Variants in PALM2AKAP2 observed in about 807,000 individuals in gnomAD.
The protein encoded by PALM2AKAP2 is PALM2 and AKAP2 fusion.
A neutral mutation model predicts 71.5 loss-of-function variants in PALM2AKAP2; 37 were observed. That is an observed-to-expected ratio of 0.52 (90% CI 0.40 to 0.68). The LOEUF (loss-of-function observed/expected upper bound fraction) is 0.68, where lower values mean the gene tolerates loss of function less well. Among genes scored for constraint, PALM2AKAP2 ranks in the 30% least tolerant of loss-of-function variants. The pLI is 0.00. For missense variants in PALM2AKAP2, 1,224 were observed against 1,191.8 expected, an observed-to-expected ratio of 1.03 and a Z score of -0.40; for synonymous variants, 468 against 478.8, an observed-to-expected ratio of 0.98 and a Z score of 0.29.
At chr9:109,641,362 A>T (rs376254770) in intron 1 of PALM2AKAP2, among the ~76,000 whole-genome samples, 2 of 152,256 alleles carry the variant, frequency 1.3e-5, no homozygotes, top group Non-Finnish European at 2.9e-5. Context: ...TGTCCTGGCT[A>T]CTAGAAACCA....
chr9:109,977,666 C>T (rs906749526), intron 6 of PALM2AKAP2, among the ~76,000 whole-genome samples: 4 of 152,230 alleles, frequency 2.6e-5, no homozygotes. Flanking sequence ...CTGACATTTA[C>T]TGACATACAT....
At chr9:109,830,291 T>TA (rs1828262636) in intron 1 of PALM2AKAP2, among the ~76,000 whole-genome samples, 1 of 152,200 alleles carries the variant, frequency 6.6e-6, no homozygotes, top group Admixed American at 6.5e-5. Context: ...GCAACTTTCT[T>TA]AGAGAGACAC....
intron 1 of PALM2AKAP2, among the ~76,000 whole-genome samples, chr9:109,765,170 T>C (rs1829129023): frequency 6.6e-6 from 1 of 152,244 alleles, no homozygotes; most frequent in Admixed American, 6.5e-5. Context: ...AAGTTTAAAA[T>C]GTGGACACCT....
chr9:109,935,787 T>C (rs918394853), intron 6 of PALM2AKAP2, among the ~76,000 whole-genome samples: 1 of 152,216 alleles, frequency 6.6e-6, no homozygotes, highest in African/African-American at 2.4e-5. Flanking sequence ...ACAAGGGAAC[T>C]GGGACCCTGA....
chr9:109,956,787 A>G (rs1039332831), intron 6 of PALM2AKAP2, among the ~76,000 whole-genome samples: 2 of 152,210 alleles, frequency 1.3e-5, no homozygotes, highest in African/African-American at 4.8e-5. Context: ...ATCAGATGGG[A>G]GTGAAAGAGA....
At chr9:109,894,303 C>T (rs955695418) in intron 3 of PALM2AKAP2, among the ~76,000 whole-genome samples, 2 of 152,206 alleles carry the variant, frequency 1.3e-5, no homozygotes, top group African/African-American at 4.8e-5. Context: ...CGCACCATTG[C>T]ACTCCAGCCT....
At chr9:109,728,471 G>GA (rs1828507422) in intron 1 of PALM2AKAP2, among the ~76,000 whole-genome samples, 1 of 152,190 alleles carries the variant, frequency 6.6e-6, no homozygotes, top group South Asian at 2.1e-4. Flanking sequence ...AGCGAGCTGA[G>GA]AAAAATCTCA....
At chr9:110,008,101 A>G (rs1199731859) in intron 6 of PALM2AKAP2, among the ~76,000 whole-genome samples, 1 of 152,176 alleles carries the variant, frequency 6.6e-6, no homozygotes, top group East Asian at 1.9e-4. Context: ...AGTTTGAGTT[A>G]TACCTGTAGG....
At chr9:109,827,387 G>A (rs1398081637) in intron 1 of PALM2AKAP2, among the ~76,000 whole-genome samples, 1 of 152,080 alleles carries the variant, frequency 6.6e-6, no homozygotes, top group Non-Finnish European at 1.5e-5. Flanking sequence ...AGGCCAAGGC[G>A]GGTGGATTAC....
intron 6 of PALM2AKAP2, among the ~76,000 whole-genome samples, chr9:109,986,530 T>C (rs960678700): frequency 2.6e-5 from 4 of 152,246 alleles, no homozygotes; most frequent in Non-Finnish European, 5.9e-5. Flanking sequence ...TTCAGGCAGA[T>C]GCAAATAGAA....
intron 1 of PALM2AKAP2, among the ~76,000 whole-genome samples, chr9:110,113,848 A>T (rs1247879293): frequency 6.6e-6 from 1 of 152,146 alleles, no homozygotes; most frequent in Non-Finnish European, 1.5e-5. Flanking sequence ...TACAAGTTTT[A>T]AAAAGCATGA....
At chr9:109,729,487 A>G (rs1377181780) in intron 1 of PALM2AKAP2, among the ~76,000 whole-genome samples, 1 of 152,194 alleles carries the variant, frequency 6.6e-6, no homozygotes, top group Non-Finnish European at 1.5e-5. Context: ...CTTTGAGCAA[A>G]TCACTCAACT....
At position 110,036,948 on chromosome 9, in the gene PALM2AKAP2, C is replaced by T. The variant is rs542616972; in HGVS notation, c.582+20909C>T. ...CTTGACCATTACATAAAATAGTACT[C>T]ACCTCCTACTGCCATCAATATCTAT... On this transcript the variant is annotated intron_variant, in intron 7 of 9. Coordinates refer to the PALM2AKAP2 transcript ENST00000302798. Among the ~76,000 whole-genome samples the T allele has an allele frequency of 5.0e-4, 76 of 152,278 alleles. No homozygotes were observed. In the South Asian group the frequency reaches 0.015, roughly 30 times the overall value.
At chr9:110,140,260 G>C (rs1421467517) in intron 2 of PALM2AKAP2, among the ~76,000 whole-genome samples, 5 of 152,144 alleles carry the variant, frequency 3.3e-5, no homozygotes, top group Admixed American at 6.5e-5. Context: ...ACAGCTCACG[G>C]GAGCCCTTTC....
intron 2 of PALM2AKAP2, among the ~76,000 whole-genome samples, chr9:110,152,276 A>G (rs957125026): frequency 2.0e-5 from 3 of 152,176 alleles, no homozygotes; most frequent in African/African-American, 7.2e-5. Flanking sequence ...TGTTCAGTGC[A>G]GGTGAGGAAC....
rs117917602 is a variant in PALM2AKAP2, at chr9:109,807,613, C to T, written c.45+27080C>T. Among the ~76,000 whole-genome samples, 104 of 147,708 alleles carry T rather than the reference C, an allele frequency of 7.0e-4. No homozygotes were observed. In the East Asian group the frequency reaches 0.014, roughly 20 times the overall value. Reference sequence around the variant, plus strand: ...CAATATTATGAGCATGTAATATAAACAAAGGTAGTGCTTTAATCTATTGGG... The same window carrying T: ...CAATATTATGAGCATGTAATATAAATAAAGGTAGTGCTTTAATCTATTGGG... On this transcript the variant is annotated intron_variant, in intron 1 of 9. Coordinates refer to the PALM2AKAP2 transcript ENST00000302798.
At chr9:109,756,951 A>T (rs1828972849) in intron 1 of PALM2AKAP2, among the ~76,000 whole-genome samples, 1 of 152,134 alleles carries the variant, frequency 6.6e-6, no homozygotes, top group Non-Finnish European at 1.5e-5. Flanking sequence ...TCAAGCATTT[A>T]TAGTTTCTAT....
rs879412094 is a variant in PALM2AKAP2 at position 109,649,057 on chromosome 9, A to AT, written c.5+8202dup. 2.6e-3 allele frequency among the ~76,000 whole-genome samples: 383 copies of AT among 144,724 alleles called. 1 individual carries two copies. Among genetic ancestry groups the AT allele is most frequent in the African/African-American group, 4.9e-3 (195 of 39,638 alleles). The allele number at this position is 144,724 out of a possible 152,430, so 94.9% of individuals were successfully genotyped here. A position where few individuals can be genotyped will look rare whatever the true frequency, so the allele number is the denominator to read the frequency against. On this transcript the variant is annotated intron_variant, in intron 1 of 6. Transcript: ENST00000374531. ...TACTCCCATCCCTCCCACTCCTGCAATTTTTTTTTTTGGCTTTGATGCTGA... is the reference window on the plus strand; with the variant it reads ...TACTCCCATCCCTCCCACTCCTGCAATTTTTTTTTTTTGGCTTTGATGCTGA...
chr9:109,950,193 T>C (rs2132075119), intron 6 of PALM2AKAP2, among the ~76,000 whole-genome samples: 1 of 151,886 alleles, frequency 6.6e-6, no homozygotes, highest in African/African-American at 2.4e-5. Context: ...CTTGGGAGAC[T>C]GAGGCAGGAG....
Sources: gnomAD v4.1 joint callset for allele counts (sites outside exome capture counted in the v4.1 genomes callset) on GRCh38, gnomAD v4.1.1 for gene constraint, MANE v1.5 for transcripts, NCBI Gene and HGNC (gene_info 2026-07-23, HGNC 2026-07-21) for gene names.